Variants in EXOC4 observed in about 807,000 individuals in gnomAD.
EXOC4 encodes the protein exocyst complex component 4, also known as SEC8-like 1.
A neutral mutation model predicts 107.2 loss-of-function variants in EXOC4; 71 were observed. The observed-to-expected ratio is 0.66, with a 90% CI of 0.55 to 0.81. The LOEUF is 0.81. Among genes scored for constraint, EXOC4 ranks in the 30% least tolerant of loss-of-function variants. EXOC4 has a pLI of 0.00. For synonymous variants in EXOC4, 456 were observed against 441.2 expected, an observed-to-expected ratio of 1.03 and a Z score of -0.42; for missense variants, 1,108 against 1,189.6, an observed-to-expected ratio of 0.93 and a Z score of 1.01.
At chr7:133,307,836 G>T (rs1355859023) in intron 4 of EXOC4, among the ~76,000 whole-genome samples, 1 of 152,200 alleles carries the variant, frequency 6.6e-6, no homozygotes, top group Non-Finnish European at 1.5e-5. Flanking sequence ...ACATGGAACT[G>T]ACTGAAGATC....
chr7:133,747,906 G>A (rs545830232), intron 10 of EXOC4, among the ~76,000 whole-genome samples: 2 of 152,142 alleles, frequency 1.3e-5, no homozygotes, highest in African/African-American at 4.8e-5. Flanking sequence ...TTGCCTATCC[G>A]TACCATCACA....
intron 9 of EXOC4, among the ~76,000 whole-genome samples, chr7:133,530,504 C>T (rs907572805): frequency 6.6e-6 from 1 of 152,128 alleles, no homozygotes. Flanking sequence ...TGTATATAAA[C>T]ATAGAAAAGG....
intron 11 of EXOC4, among the ~76,000 whole-genome samples, chr7:133,820,335 G>C (rs1395185617): frequency 6.6e-6 from 1 of 150,832 alleles, no homozygotes; most frequent in Non-Finnish European, 1.5e-5. Context: ...TCCTATCTTT[G>C]GTATTTTCCT....
chr7:133,389,084 G>A (rs1342898449), intron 7 of EXOC4, among the ~76,000 whole-genome samples: 1 of 152,130 alleles, frequency 6.6e-6, no homozygotes, highest in Non-Finnish European at 1.5e-5. Flanking sequence ...ATGTTTTTAG[G>A]ATGGTTTGTC....
intron 11 of EXOC4, among the ~76,000 whole-genome samples, chr7:133,853,403 T>C (rs1798282549): frequency 6.9e-6 from 1 of 145,448 alleles, no homozygotes; most frequent in Admixed American, 6.8e-5. Flanking sequence ...CACACAACTT[T>C]TTAGAGTCAT....
At chr7:133,651,165 A>G (rs1463635710) in intron 10 of EXOC4, among the ~76,000 whole-genome samples, 1 of 151,850 alleles carries the variant, frequency 6.6e-6, no homozygotes, top group Admixed American at 6.6e-5. Context: ...GTCCCTTTCT[A>G]CTCACTCCCA....
intron 17 of EXOC4, chr7:134,010,334 A>G (rs1585319294): frequency 1.3e-5 from 2 of 152,340 alleles, no homozygotes; most frequent in South Asian, 2.1e-4. Flanking sequence ...AGTAGCCGGC[A>G]TGGGTCAGTT....
intron 9 of EXOC4, among the ~76,000 whole-genome samples, chr7:133,599,232 G>T (rs1801751035): frequency 1.3e-5 from 2 of 152,068 alleles, no homozygotes. Flanking sequence ...CCATTGGTTG[G>T]CACTGTTATA....
intron 7 of EXOC4, among the ~76,000 whole-genome samples, chr7:133,439,259 A>T (rs1404998838): frequency 1.6e-5 from 2 of 125,038 alleles, no homozygotes; most frequent in African/African-American, 6.3e-5. Flanking sequence ...ATCTCGGCTT[A>T]CTGCAACCTC....
At chr7:133,383,582 T>C (rs1303509280) in intron 7 of EXOC4, among the ~76,000 whole-genome samples, 2 of 152,174 alleles carry the variant, frequency 1.3e-5, no homozygotes, top group Non-Finnish European at 2.9e-5. Context: ...GGTAAGAGAA[T>C]CCACAAAATT....
At chr7:133,687,535 G>A (rs145408023) in intron 10 of EXOC4, among the ~76,000 whole-genome samples, 58 of 152,150 alleles carry the variant, frequency 3.8e-4, no homozygotes, top group African/African-American at 1.1e-3. Context: ...CCTAGTTCCC[G>A]TTTTCTTTAC....
intron 9 of EXOC4, chr7:133,577,000 T>G (rs768635565): frequency 6.0e-6 from 3 of 503,884 alleles, no homozygotes; most frequent in Non-Finnish European, 9.7e-6. Flanking sequence ...GGATGTCTGT[T>G]TTCATTTATT....
the EXOC4 span, among the ~76,000 whole-genome samples, chr7:134,079,831 G>C: frequency 6.6e-6 from 1 of 152,150 alleles, no homozygotes; most frequent in South Asian, 2.1e-4. Flanking sequence ...GCAGGACCCA[G>C]GTGCAGTCCC....
chr7:133,964,342 T>C (rs1428183329), intron 14 of EXOC4, among the ~76,000 whole-genome samples: 2 of 152,046 alleles, frequency 1.3e-5, no homozygotes, highest in Non-Finnish European at 2.9e-5. Context: ...TTCTTCTTTC[T>C]ATATACTTTA....
intron 15 of EXOC4, among the ~76,000 whole-genome samples, chr7:134,004,224 C>T (rs1204817829): frequency 6.6e-6 from 1 of 152,108 alleles, no homozygotes; most frequent in Non-Finnish European, 1.5e-5. Context: ...ATTTAGTTAA[C>T]TAATAAATTA....
At chr7:133,541,904 G>C (rs182936808) in intron 9 of EXOC4, among the ~76,000 whole-genome samples, 3 of 152,210 alleles carry the variant, frequency 2.0e-5, no homozygotes, top group African/African-American at 7.2e-5. Context: ...AGTGAGGGGT[G>C]GGTGTCCAGT....
At chr7:133,795,914 G>T (rs1460030488) in intron 10 of EXOC4, among the ~76,000 whole-genome samples, 1 of 152,022 alleles carries the variant, frequency 6.6e-6, no homozygotes, top group Non-Finnish European at 1.5e-5. Flanking sequence ...CTTATTCAGA[G>T]AGTCTATGAA....
In EXOC4 at chr7:133,848,736, T is replaced by G. The variant is rs773608243; in HGVS notation, c.1734+31192T>G. On this transcript the variant is annotated intron_variant, in intron 11 of 17. Transcript: ENST00000253861. Reference sequence around the variant, plus strand: ...TCTAAAATGTTCTCATTTTCTAAATTTTAATATCAGTTTGTCTGGACCATC... The same window carrying G: ...TCTAAAATGTTCTCATTTTCTAAATGTTAATATCAGTTTGTCTGGACCATC... 5.1e-4 allele frequency among the ~76,000 whole-genome samples: 77 copies of G among 152,244 alleles called. No homozygotes were observed. In the Middle Eastern group the frequency reaches 0.017, roughly 34 times the overall value.
chr7:133,618,479 A>G (rs1481848331), intron 9 of EXOC4, among the ~76,000 whole-genome samples: 2 of 152,176 alleles, frequency 1.3e-5, no homozygotes, highest in Non-Finnish European at 2.9e-5. Context: ...ATAACAATCA[A>G]GACTGAGCAA....
Sources: gnomAD v4.1 joint callset for allele counts (sites outside exome capture counted in the v4.1 genomes callset) on GRCh38, gnomAD v4.1.1 for gene constraint, MANE v1.5 for transcripts, NCBI Gene and HGNC (gene_info 2026-07-23, HGNC 2026-07-21) for gene names.